The following DLG2 variants were observed in gnomAD, a reference collection of about 807,000 sequenced individuals.
The protein encoded by DLG2 is discs large MAGUK scaffold protein 2.
In DLG2, 45 loss-of-function variants were observed where a neutral mutation model predicts 132.5. The observed-to-expected ratio is 0.34, with a 90% CI of 0.27 to 0.44. DLG2 has a LOEUF of 0.44. Ranked by LOEUF, DLG2 falls within the 20% of genes least tolerant of loss-of-function variation. The pLI is 1.00. For synonymous variants in DLG2, 424 were observed against 419.6 expected (o/e 1.01, Z -0.13); for missense variants, 1,045 against 1,196.9 (o/e 0.87, Z 1.87).
rs537863192 is a variant in DLG2, at chr11:83,617,233, T to C, written c.1940+15978A>G. On this transcript the variant is annotated intron_variant, in intron 19 of 27. Transcript: ENST00000376104. ...TGATAGGAATTGCAGTGAATCAATA[T>C]ATCAGTTTGGGAGAAATGAAATCTT... Among the ~76,000 whole-genome samples the C allele has an allele frequency of 2.1e-4, 32 of 152,332 alleles. No individual in the cohort carries two copies. In the South Asian group the frequency reaches 6.0e-3, roughly 29 times the overall value.
chr11:83,633,176 A>G, intron 19 of DLG2, 35 bp downstream of exon 19: 23 of 1,594,424 alleles, frequency 1.4e-5, no homozygotes, highest in Non-Finnish European at 2.0e-5. Context: ...TGAATTGCTC[A>G]CAAAGTGCAG....
chr11:83,839,170 C>T (rs1046120776), intron 16 of DLG2, among the ~76,000 whole-genome samples: 1 of 151,944 alleles, frequency 6.6e-6, no homozygotes, highest in Non-Finnish European at 1.5e-5. Context: ...TACCTGGACC[C>T]CATTGATTTC....
chr11:85,174,743 G>A (rs1208517759), intron 4 of DLG2, among the ~76,000 whole-genome samples: 1 of 151,900 alleles, frequency 6.6e-6, no homozygotes, highest in Non-Finnish European at 1.5e-5. Flanking sequence ...AGATAAGAGA[G>A]GGCAGTAAAA....
chr11:84,988,717 T>C (rs886693484), intron 6 of DLG2, among the ~76,000 whole-genome samples: 2 of 152,096 alleles, frequency 1.3e-5, no homozygotes, highest in South Asian at 4.1e-4. Context: ...GAGAACTCAG[T>C]GGGGAAAGGA....
At position 85,445,066 on chromosome 11, in the gene DLG2, G is replaced by T. The variant is rs74440722; in HGVS notation, c.40+153591C>A. Among the ~76,000 whole-genome samples, 79 of 152,266 alleles carry T rather than the reference G, an allele frequency of 5.2e-4. No individual in the cohort carries two copies. In the East Asian group the frequency reaches 0.014, roughly 26 times the overall value. Reference sequence around the variant, plus strand: ...AACAACATAAATCTGGGGAATAAAAGTGTACTAAAACAATGATAGACCAAC... The same window carrying T: ...AACAACATAAATCTGGGGAATAAAATTGTACTAAAACAATGATAGACCAAC... On this transcript the variant is annotated intron_variant, in intron 3 of 27. Transcript: ENST00000376104.
intron 6 of DLG2, among the ~76,000 whole-genome samples, chr11:84,992,930 T>C (rs1189005959): frequency 1.3e-5 from 2 of 152,166 alleles, no homozygotes; most frequent in African/African-American, 4.8e-5. Context: ...ACTAGGTATA[T>C]ACCTAAAGGA....
At chr11:84,536,505 G>A (rs2099355939) in intron 6 of DLG2, among the ~76,000 whole-genome samples, 1 of 152,090 alleles carries the variant, frequency 6.6e-6, no homozygotes, top group African/African-American at 2.4e-5. Context: ...CTAACCTTAT[G>A]AATAATTTGG....
rs184855322 is a variant in DLG2 at position 84,896,194 on chromosome 11, A to T, written c.357+215467T>A. Reference sequence around the variant, plus strand: ...TTCTATTTCAATGCAGAATGAAAATATGATCTTTAATATATTTATGCCAGC... The same window carrying T: ...TTCTATTTCAATGCAGAATGAAAATTTGATCTTTAATATATTTATGCCAGC... On this transcript the variant is annotated intron_variant, in intron 6 of 27. Transcript: ENST00000376104. 2.6e-3 allele frequency among the ~76,000 whole-genome samples: 389 copies of T among 152,276 alleles called. 3 individuals are homozygous for T. Among genetic ancestry groups the T allele is most frequent in the Non-Finnish European group, 5.0e-3 (337 of 67,996 alleles).
At chr11:84,367,890 C>A (rs1430366823) in intron 7 of DLG2, among the ~76,000 whole-genome samples, 1 of 152,116 alleles carries the variant, frequency 6.6e-6, no homozygotes, top group East Asian at 1.9e-4. Flanking sequence ...ACTGTGTTAT[C>A]TATTCCGTAA....
At chr11:85,412,748 CACACACACACACATATATAT>C (rs1214004497) in intron 3 of DLG2, among the ~76,000 whole-genome samples, 1 of 133,602 alleles carries the variant, frequency 7.5e-6, no homozygotes, top group African/African-American at 2.9e-5. Context: ...CACACACACA[CACACACACACACATATATAT>C]ATATATATAT....
intron 21 of DLG2, among the ~76,000 whole-genome samples, chr11:83,523,976 G>C (rs1457347534): frequency 2.7e-4 from 41 of 152,128 alleles, no homozygotes; most frequent in Admixed American, 2.7e-3. Flanking sequence ...GGCAGTTTTG[G>C]CAACTCTCCC....
At chr11:84,616,781 CA>C (rs1250498803) in intron 6 of DLG2, among the ~76,000 whole-genome samples, 2 of 152,010 alleles carry the variant, frequency 1.3e-5, no homozygotes, top group Non-Finnish European at 2.9e-5. Flanking sequence ...AGGTGCTTAA[CA>C]AATCTTAAAA....
At chr11:84,095,559 A>G (rs939844060) in intron 10 of DLG2, among the ~76,000 whole-genome samples, 6 of 152,184 alleles carry the variant, frequency 3.9e-5, no homozygotes, top group Non-Finnish European at 8.8e-5. Flanking sequence ...GAAAAGACTT[A>G]GTCTGACTTA....
At chr11:83,842,912 G>A (rs185668929) in intron 16 of DLG2, among the ~76,000 whole-genome samples, 2 of 152,082 alleles carry the variant, frequency 1.3e-5, no homozygotes, top group Admixed American at 1.3e-4. Flanking sequence ...GCGTCTGGGG[G>A]CTTGGGAAGT....
intron 6 of DLG2, among the ~76,000 whole-genome samples, chr11:84,659,404 C>T (rs989868119): frequency 2.0e-5 from 3 of 152,044 alleles, no homozygotes; most frequent in African/African-American, 4.8e-5. Context: ...GAATGTCATC[C>T]TCTTAATATA....
At chr11:84,927,202 C>A (rs567581342) in intron 6 of DLG2, among the ~76,000 whole-genome samples, 33 of 152,126 alleles carry the variant, frequency 2.2e-4, no homozygotes, top group African/African-American at 7.2e-4. Flanking sequence ...AACAGCAACA[C>A]CCTCTTTTAA....
At chr11:83,773,291 T>C (rs958180146) in intron 18 of DLG2, among the ~76,000 whole-genome samples, 2 of 152,166 alleles carry the variant, frequency 1.3e-5, no homozygotes, top group Admixed American at 1.3e-4. Flanking sequence ...ATACCACCAG[T>C]ATATTTACCT....
chr11:85,472,008 A>G (rs760246571), intron 3 of DLG2, among the ~76,000 whole-genome samples: 1 of 152,176 alleles, frequency 6.6e-6, no homozygotes, highest in Non-Finnish European at 1.5e-5. Context: ...GAGGCAGACA[A>G]ATTCCTAGGC....
chr11:85,611,756 C>T (rs2081015485), intron 2 of DLG2, among the ~76,000 whole-genome samples: 1 of 152,354 alleles, frequency 6.6e-6, no homozygotes, highest in African/African-American at 2.4e-5. Flanking sequence ...AGTTCCTAAC[C>T]TCTGGGGGAA....
Sources: allele counts gnomAD v4.1 joint callset (sites outside exome capture counted in the v4.1 genomes callset), GRCh38; gene constraint gnomAD v4.1.1; transcripts MANE v1.5; gene names NCBI Gene and HGNC (gene_info 2026-07-23, HGNC 2026-07-21).